SPATA22: variants seen among roughly 807,000 people sequenced by gnomAD.
SPATA22 encodes spermatogenesis-associated protein 22.
In SPATA22, 29 loss-of-function variants were observed where a neutral mutation model predicts 47.8. The observed-to-expected ratio is 0.61, with a 90% CI of 0.45 to 0.83. The LOEUF (loss-of-function observed/expected upper bound fraction) is 0.83, where lower values mean the gene tolerates loss of function less well. Ranked by LOEUF, SPATA22 falls within the 40% of genes least tolerant of loss-of-function variation. The probability of loss-of-function intolerance (pLI) is 0.00; values close to 1 mark genes in which losing one functional copy is unlikely to be tolerated. For synonymous variants in SPATA22, 133 were observed against 140.9 expected, an observed-to-expected ratio of 0.94 and a Z score of 0.40; for missense variants, 410 against 421.7, an observed-to-expected ratio of 0.97 and a Z score of 0.24.
intron 1 of SPATA22, among the ~76,000 whole-genome samples, chr17:3,493,962 A>G (rs970225597): frequency 1.3e-5 from 2 of 151,576 alleles, no homozygotes; most frequent in Non-Finnish European, 2.9e-5. Context: ...TTCTCCCCAT[A>G]GCTGTCTTCA....
At chr17:3,501,965 A>G (rs72825816) in intron 1 of SPATA22, 1 of 151,280 alleles carries the variant, frequency 6.6e-6, no homozygotes, top group African/African-American at 2.4e-5. Context: ...AAAAAAAAAA[A>G]AAAAAAAAAT....
At chr17:3,472,308 G>T (rs2073454387), upstream of SPATA22, 1 of 152,640 alleles carries the variant, frequency 6.6e-6, no homozygotes, top group Non-Finnish European at 1.5e-5. Flanking sequence ...AGCCGTCAGC[G>T]AGGCAGCGCC....
rs2073801220 is a variant in SPATA22 at position 3,490,248 on chromosome 17, A to T, written c.-73-20850T>A. Among the ~76,000 whole-genome samples, 1 of 152,194 alleles carries T rather than the reference A, an allele frequency of 6.6e-6. No individual in the cohort carries two copies. The highest frequency in any genetic ancestry group is 1.5e-5 in the Non-Finnish European group (1 of 68,020). On this transcript the variant is annotated intron_variant, in intron 1 of 8. Coordinates refer to the SPATA22 transcript ENST00000541913. The surrounding 1 kb of genome is among the most constrained non-coding windows in gnomAD (Gnocchi z 4.6). The stretch of plus-strand genomic sequence containing the variant: ...TAATGTATTTATGTATTATTTCTGT[A>T]ATTAAAAATTAATTAAACGGGGACT...
At position 3,499,068 on chromosome 17, in the gene SPATA22, A is replaced by G. The variant is rs555537960; in HGVS notation, c.-74+14344T>C. The stretch of plus-strand genomic sequence containing the variant: ...TAAACTAACGCTCAATGCAAAAAGT[A>G]TTCGCTGCTGTTTACATTAGAAATC... On this transcript the variant is annotated intron_variant, in intron 1 of 8. Transcript: ENST00000541913. 1.9e-6 allele frequency: 3 copies of G among 1,614,110 alleles called. No individual in the cohort carries two copies. The East Asian group carries it at 6.7e-5, about 36-fold the overall frequency.
chr17:3,505,322 T>C (rs1317040747), intron 1 of SPATA22, among the ~76,000 whole-genome samples: 1 of 152,256 alleles, frequency 6.6e-6, no homozygotes, highest in African/African-American at 2.4e-5. Context: ...AAAGCAGGGA[T>C]AGCATTTGTC....
At chr17:3,472,890 A>C (rs534462681), upstream of SPATA22, among the ~76,000 whole-genome samples, 14 of 152,336 alleles carry the variant, frequency 9.2e-5, no homozygotes, top group East Asian at 2.5e-3. Flanking sequence ...TGAATGCCAG[A>C]GTAAGGAACA....
chr17:3,471,087 G>T (rs569832429), intron 1 of SPATA22, among the ~76,000 whole-genome samples: 1 of 151,984 alleles, frequency 6.6e-6, no homozygotes, highest in Non-Finnish European at 1.5e-5. Flanking sequence ...CCCGGGAGGC[G>T]GAGGTTGCAG....
chr17:3,456,309 A>G (rs1265533638), intron 5 of SPATA22, among the ~76,000 whole-genome samples: 2 of 151,468 alleles, frequency 1.3e-5, no homozygotes, highest in East Asian at 1.9e-4. Context: ...AGCAAGACTA[A>G]TAAAGAAAAA....
chr17:3,480,785 C>T (rs1466801249), intron 1 of SPATA22, among the ~76,000 whole-genome samples: 1 of 152,160 alleles, frequency 6.6e-6, no homozygotes, highest in Non-Finnish European at 1.5e-5. Flanking sequence ...AAGTTCCTCC[C>T]AAAGTTAGTT....
At chr17:3,491,281 T>C (rs1158712556) in intron 1 of SPATA22, among the ~76,000 whole-genome samples, 1 of 152,168 alleles carries the variant, frequency 6.6e-6, no homozygotes, top group African/African-American at 2.4e-5. Flanking sequence ...GTTCTTATGT[T>C]TAAAAAAAAT....
In SPATA22 at chr17:3,471,802, G is replaced by A. The variant is rs905014575; in HGVS notation, c.-194C>T. 5 of 985,380 alleles carry A rather than the reference G, an allele frequency of 5.1e-6. No homozygotes were observed. The South Asian group carries it at 1.9e-4, about 37-fold the overall frequency. 61.0% of individuals were successfully genotyped at this position (985,380 alleles called of 1,614,324 possible). ...AGCAACCGCCGCCCTTCCCGCCCGC[G>A]AAGAAAGCGCGGGAATCAGGCTGTT... On this transcript the variant is annotated 5_prime_UTR_variant, in exon 1 of 9. Coordinates refer to ENST00000572969, the MANE Select transcript of SPATA22 (RefSeq NM_001170698.2).
At chr17:3,461,984 C>A (rs1212899268) in intron 5 of SPATA22, among the ~76,000 whole-genome samples, 1 of 152,198 alleles carries the variant, frequency 6.6e-6, no homozygotes, top group Non-Finnish European at 1.5e-5. Context: ...ATCTTTTTGA[C>A]CAGCTTCTTC....
At chr17:3,471,584 G>A (rs1030895597) in intron 1 of SPATA22, 98 bp downstream of exon 1, 16 of 985,360 alleles carry the variant, frequency 1.6e-5, no homozygotes, top group Non-Finnish European at 1.9e-5. Flanking sequence ...GCTCCTGACC[G>A]CGGTGGGAGA....
upstream of SPATA22, among the ~76,000 whole-genome samples, chr17:3,474,449 G>A (rs11078451): frequency 0.37 from 56,191 of 152,004 alleles, 13,055 homozygotes; most frequent in Non-Finnish European, 0.54. Flanking sequence ...AATTCACCAT[G>A]GTTACTGCTC....
At chr17:3,487,208 G>A (rs1024380675) in intron 1 of SPATA22, among the ~76,000 whole-genome samples, 66 of 152,238 alleles carry the variant, frequency 4.3e-4, no homozygotes, top group African/African-American at 1.5e-3. Context: ...GTGCCTACTA[G>A]AAGTTAAAGC....
At chr17:3,501,201 A>G (rs1449060844) in intron 1 of SPATA22, 1 of 152,326 alleles carries the variant, frequency 6.6e-6, no homozygotes, top group Non-Finnish European at 1.5e-5. Flanking sequence ...TCATAAGGCT[A>G]TAGCTGCCAT....
At chr17:3,474,309 C>A (rs2073489923), upstream of SPATA22, 1 of 152,198 alleles carries the variant, frequency 6.6e-6, no homozygotes, top group Non-Finnish European at 1.5e-5. Context: ...ATAAAACAAG[C>A]TTCAAAATGC....
intron 7 of SPATA22, 117 bp downstream of exon 7, chr17:3,446,355 C>A: frequency 1.0e-6 from 1 of 952,722 alleles, no homozygotes; most frequent in Non-Finnish European, 1.5e-6. Context: ...TCTTTGAATA[C>A]ACTTTAGGGA....
intron 1 of SPATA22, among the ~76,000 whole-genome samples, chr17:3,486,223 C>T (rs893305291): frequency 5.9e-5 from 9 of 152,152 alleles, no homozygotes; most frequent in East Asian, 1.9e-4. Context: ...CGTGAGCCAC[C>T]GCACCCGGCT....
Sources: gnomAD v4.1 joint callset for allele counts (sites outside exome capture counted in the v4.1 genomes callset) on GRCh38, gnomAD v4.1.1 for gene constraint, Gnocchi (gnomAD v3.1) non-coding constraint, MANE v1.5 for transcripts, NCBI Gene and HGNC (gene_info 2026-07-23, HGNC 2026-07-21) for gene names.